PTPRJ: variants seen among roughly 807,000 people sequenced by gnomAD.
The protein encoded by PTPRJ is receptor-type tyrosine-protein phosphatase eta.
PTPRJ carries 129 observed loss-of-function variants against 141.3 expected under a neutral mutation model. The observed-to-expected ratio is 0.91, with a 90% CI of 0.79 to 1.06. PTPRJ has a LOEUF of 1.06. Among genes scored for constraint, PTPRJ ranks in the 50% least tolerant of loss-of-function variants. The pLI, the probability that PTPRJ is intolerant of heterozygous loss-of-function variation, is 0.00. For synonymous variants in PTPRJ, 610 were observed against 640.5 expected (o/e 0.95, Z 0.72); for missense variants, 1,601 against 1,679.7 (o/e 0.95, Z 0.82).
intron 1 of PTPRJ, among the ~76,000 whole-genome samples, chr11:48,106,763 CTTTTT>C (rs35643138): frequency 3.5e-4 from 30 of 86,434 alleles, no homozygotes; most frequent in African/African-American, 1.2e-3. Flanking sequence ...TTCTTTCTTT[CTTTTT>C]TTTTTTTTTT....
intron 1 of PTPRJ, among the ~76,000 whole-genome samples, chr11:47,996,835 A>T (rs1250893958): frequency 6.6e-6 from 1 of 152,166 alleles, no homozygotes; most frequent in African/African-American, 2.4e-5. Flanking sequence ...ATCGTTGGAG[A>T]TGGGGGTGCA....
At chr11:48,039,352 A>AC (rs1475219383) in intron 1 of PTPRJ, among the ~76,000 whole-genome samples, 6 of 151,906 alleles carry the variant, frequency 3.9e-5, no homozygotes, top group African/African-American at 1.4e-4. Context: ...AAAAAAAACA[A>AC]CAAACTGCCT....
chr11:48,142,056 A>ATTT (rs3071024), intron 11 of PTPRJ, among the ~76,000 whole-genome samples: 152,080 of 152,196 alleles, frequency 1, 75,982 homozygotes, highest in Non-Finnish European at 1. Flanking sequence ...CAGTTTTATT[A>ATTT]TGCTCACGGA....
In PTPRJ at chr11:48,093,907, G is replaced by A. The variant is rs533839498; in HGVS notation, c.97-16151G>A. Among the ~76,000 whole-genome samples the A allele has an allele frequency of 3.2e-4, 48 of 152,294 alleles. 1 individual carries two copies. The highest frequency in any genetic ancestry group is 2.9e-3 in the Admixed American group (45 of 15,300). On this transcript the variant is annotated intron_variant, in intron 1 of 24. Transcript: ENST00000418331. ...GTTCTTTGATTAAGTGTCAAGATGA[G>A]TGGTGCAGACCTTTGACAGACACAT...
chr11:48,087,658 T>C (rs1855751561), intron 1 of PTPRJ, among the ~76,000 whole-genome samples: 1 of 152,192 alleles, frequency 6.6e-6, no homozygotes, highest in Non-Finnish European at 1.5e-5. Flanking sequence ...TAGAAACCCA[T>C]AGACGATGGT....
chr11:48,149,351 C>T (rs1280368831), intron 15 of PTPRJ, 96 bp from the exon 16 acceptor site: 4 of 851,014 alleles, frequency 4.7e-6, no homozygotes, highest in Admixed American at 2.4e-5. Context: ...GGTGTAACAC[C>T]TTTATTTCAT....
At chr11:48,091,886 G>A (rs1034479407) in intron 1 of PTPRJ, among the ~76,000 whole-genome samples, 1 of 152,200 alleles carries the variant, frequency 6.6e-6, no homozygotes, top group Non-Finnish European at 1.5e-5. Context: ...GGACTGGGCT[G>A]AAGCTTTCAT....
intron 1 of PTPRJ, among the ~76,000 whole-genome samples, chr11:47,996,066 G>A (rs1274509679): frequency 1.3e-5 from 2 of 151,792 alleles, no homozygotes; most frequent in East Asian, 3.9e-4. Context: ...GGGTGCGGTG[G>A]CTTACGCCTG....
At chr11:48,143,585 A>G (rs1857282872) in intron 12 of PTPRJ, among the ~76,000 whole-genome samples, 1 of 152,202 alleles carries the variant, frequency 6.6e-6, no homozygotes, top group Non-Finnish European at 1.5e-5. Flanking sequence ...TGCATTTGCT[A>G]GTGGGAATTT....
intron 6 of PTPRJ, among the ~76,000 whole-genome samples, chr11:48,127,423 C>T (rs565150286): frequency 7.7e-4 from 118 of 152,274 alleles, no homozygotes; most frequent in African/African-American, 2.7e-3. Flanking sequence ...TCACATAGAT[C>T]GCAGTGTTCG....
chr11:48,094,053 A>G (rs887144242), intron 1 of PTPRJ, among the ~76,000 whole-genome samples: 4 of 152,196 alleles, frequency 2.6e-5, no homozygotes, highest in Non-Finnish European at 4.4e-5. Flanking sequence ...GCTCCTGAGT[A>G]AGATAGATGC....
At position 48,033,179 on chromosome 11, in the gene PTPRJ, G is replaced by T. The variant is rs560921483; in HGVS notation, c.96+52171G>T. On this transcript the variant is annotated intron_variant, in intron 1 of 24. Coordinates refer to ENST00000418331, the MANE Select transcript of PTPRJ (RefSeq NM_002843.4). ...TTTTCCAAGGAAAGCCCCTCCTGGT[G>T]GGGGGCCATAGGAAACAGCTGGTGC... is the stretch of plus-strand genomic sequence containing the variant. 3.3e-5 allele frequency among the ~76,000 whole-genome samples: 5 copies of T among 152,262 alleles called. No homozygotes were observed. In the South Asian group the frequency reaches 8.3e-4, roughly 25 times the overall value.
chr11:48,053,115 ATATAT>A (rs943604061), intron 1 of PTPRJ, among the ~76,000 whole-genome samples: 2 of 122,478 alleles, frequency 1.6e-5, no homozygotes, highest in African/African-American at 6.2e-5. Flanking sequence ...TATATATAAA[ATATAT>A]TATATATAAA....
At chr11:48,056,450 A>T (rs1190810053) in intron 1 of PTPRJ, among the ~76,000 whole-genome samples, 2 of 152,218 alleles carry the variant, frequency 1.3e-5, no homozygotes, top group African/African-American at 4.8e-5. Context: ...TTTAGTATAC[A>T]GTTCTTGTCA....
chr11:48,055,174 A>C (rs1854719994), intron 1 of PTPRJ, among the ~76,000 whole-genome samples: 1 of 151,476 alleles, frequency 6.6e-6, no homozygotes, highest in Non-Finnish European at 1.5e-5. Flanking sequence ...TGATGCAGTG[A>C]GATCCCATCT....
At chr11:48,093,946 G>A (rs1394554224) in intron 1 of PTPRJ, among the ~76,000 whole-genome samples, 1 of 152,212 alleles carries the variant, frequency 6.6e-6, no homozygotes, top group Non-Finnish European at 1.5e-5. Flanking sequence ...TGTGGTTGGA[G>A]AAAGCCCAGC....
intron 16 of PTPRJ, 178 bp from the exon 17 acceptor site, chr11:48,149,812 C>A: frequency 1.7e-6 from 1 of 589,480 alleles, no homozygotes; most frequent in Non-Finnish European, 3.0e-6. Context: ...AAAGTAGGGT[C>A]TAGAAATCAG....
chr11:48,108,669 T>A (rs1279814841), intron 1 of PTPRJ, among the ~76,000 whole-genome samples: 1 of 152,218 alleles, frequency 6.6e-6, no homozygotes, highest in African/African-American at 2.4e-5. Context: ...TTGACTTCTC[T>A]TTTTTCTGCC....
intron 1 of PTPRJ, among the ~76,000 whole-genome samples, chr11:48,001,923 T>G (rs1403600463): frequency 6.6e-6 from 1 of 152,176 alleles, no homozygotes; most frequent in Non-Finnish European, 1.5e-5. Flanking sequence ...TGGTGACATT[T>G]AAGTTTTCTG....
Sources: gnomAD v4.1 joint callset for allele counts (sites outside exome capture counted in the v4.1 genomes callset) on GRCh38, gnomAD v4.1.1 for gene constraint, MANE v1.5 for transcripts, NCBI Gene and HGNC (gene_info 2026-07-23, HGNC 2026-07-21) for gene names.